The following PPP2CB variants were observed in gnomAD, a reference collection of about 807,000 sequenced individuals.
PPP2CB encodes protein phosphatase 2 catalytic subunit beta.
Under a neutral mutation model 39.1 loss-of-function variants are expected in PPP2CB, and 18 were observed. The ratio of observed to expected loss-of-function variants is 0.46; its 90% CI spans 0.32 to 0.68. PPP2CB has a LOEUF of 0.68. Ranked by LOEUF, PPP2CB falls within the 30% of genes least tolerant of loss-of-function variation. PPP2CB has a pLI of 0.04. For missense variants in PPP2CB, 226 were observed against 396.9 expected, an observed-to-expected ratio of 0.57 and a Z score of 3.66; for synonymous variants, 129 against 133.8, an observed-to-expected ratio of 0.96 and a Z score of 0.25.
intron 1 of PPP2CB, among the ~76,000 whole-genome samples, chr8:30,808,860 T>G (rs1275561512): frequency 6.6e-6 from 1 of 152,008 alleles, no homozygotes; most frequent in Non-Finnish European, 1.5e-5. Flanking sequence ...TGATTAAAAC[T>G]TTCAGCCTTC....
At chr8:30,794,389 A>G in intron 3 of PPP2CB, 108 bp from the exon 4 acceptor site, 1 of 940,310 alleles carries the variant, frequency 1.1e-6, no homozygotes, top group Non-Finnish European at 1.6e-6. Flanking sequence ...CCAACATTTA[A>G]ACATATTTTG....
chr8:30,801,009 C>A (rs1216065288), intron 1 of PPP2CB, among the ~76,000 whole-genome samples: 4 of 148,676 alleles, frequency 2.7e-5, no homozygotes, highest in African/African-American at 1.0e-4. Flanking sequence ...GAGTTTGAGA[C>A]CAGGCTGGGC....
rs1224921639 is a variant in PPP2CB at position 30,812,661 on chromosome 8, G to T, written c.-240C>A. 5.6e-6 allele frequency: 2 copies of T among 359,784 alleles called. No homozygotes were observed. Among genetic ancestry groups the T allele is most frequent in the Non-Finnish European group, 1.0e-5 (2 of 198,382 alleles). 22.3% of individuals were successfully genotyped at this position (359,784 alleles called of 1,614,324 possible). On this transcript the variant is annotated 5_prime_UTR_variant, in exon 1 of 7. Transcript: ENST00000221138. ...GACCCCCGCCCGCCCTTCCCCGCCC[G>T]GCCGCGCGCCGCGGGAGTCGGTGAA...
chr8:30,791,086 G>A, intron 6 of PPP2CB, 111 bp downstream of exon 6: 7 of 633,382 alleles, frequency 1.1e-5, no homozygotes, highest in Non-Finnish European at 1.8e-5. Context: ...TTTTGCTGGA[G>A]AGGGGCTTTG....
Position 30,799,884 on chromosome 8 carries a change from A to G in PPP2CB, c.103-129T>C, listed in dbSNP as rs144253143. ...GCGTATGTGAAAACCAAACCACGAG[A>G]TAACACTTTCATTAGAAAGGCTATA... On this transcript the variant is annotated intron_variant, in intron 1 of 6. Coordinates refer to ENST00000221138, the MANE Select transcript of PPP2CB (RefSeq NM_001009552.2). 2.9e-4 allele frequency: 198 copies of G among 682,858 alleles called. 1 individual carries two copies. The highest frequency in any genetic ancestry group is 3.9e-4 in the Non-Finnish European group (159 of 402,624). 42.3% of individuals were successfully genotyped at this position (682,858 alleles called of 1,614,324 possible).
At chr8:30,791,861 T>C (rs573772302) in intron 5 of PPP2CB, among the ~76,000 whole-genome samples, 2 of 149,906 alleles carry the variant, frequency 1.3e-5, no homozygotes, top group African/African-American at 2.4e-5. Context: ...TACGTGTATA[T>C]ATGTATATAT....
rs1242554301 is a variant in PPP2CB, at chr8:30,812,773, G to C, written c.-352C>G. On this transcript the variant is annotated 5_prime_UTR_variant, in exon 1 of 7. Coordinates refer to ENST00000221138, the MANE Select transcript of PPP2CB (RefSeq NM_001009552.2). Reference sequence around the variant, plus strand: ...GGCCGCCCGCTGCCGCTTCAGGCCCGCCTCACGCCTACCGGCCTCTCCCGA... The same window carrying C: ...GGCCGCCCGCTGCCGCTTCAGGCCCCCCTCACGCCTACCGGCCTCTCCCGA... 2.1e-6 allele frequency: 1 copy of C among 467,702 alleles called. No individual in the cohort carries two copies. Among genetic ancestry groups the C allele is most frequent in the Non-Finnish European group, 4.3e-6 (1 of 234,430 alleles). The allele number at this position is 467,702 out of a possible 1,614,324, so 29.0% of individuals were successfully genotyped here. A position where few individuals can be genotyped will look rare whatever the true frequency, so the allele number is the denominator to read the frequency against.
rs1443173602 is a variant in PPP2CB at position 30,794,027 on chromosome 8, C to T, written c.628G>A (p.Gly210Ser). The stretch of plus-strand genomic sequence containing the variant: ...TAGCCAGCACCACGTGGTGAAATAC[C>T]CCATCCACCACGATCATCTGGATCT... ...WSDPDDRGGW[G>S]ISPRGAGYTF... The change falls in exon 5 of 7, where the codon GGT (glycine) becomes AGT (serine). Residue 210 changes from glycine (G) to serine (S), a missense_variant. Gly to Ser is a moderately conservative substitution (Grantham distance 56). Around this residue, in one of 4 missense-constraint regions of PPP2CB, gnomAD observed 110 missense variants for 244.1 expected, o/e 0.45. Coordinates refer to ENST00000221138, the MANE Select transcript of PPP2CB (RefSeq NM_001009552.2). 1 of 1,612,716 alleles carries T rather than the reference C, an allele frequency of 6.2e-7. No individual in the cohort carries two copies. The highest frequency in any genetic ancestry group is 8.5e-7 in the Non-Finnish European group (1 of 1,179,360).
chr8:30,805,123 C>A (rs747164325), intron 1 of PPP2CB, among the ~76,000 whole-genome samples: 4 of 152,224 alleles, frequency 2.6e-5, no homozygotes, highest in Non-Finnish European at 5.9e-5. Context: ...TTCTTCTTCA[C>A]TGCCCACAGG....
At chr8:30,795,517 T>C (rs1238082525) in intron 3 of PPP2CB, among the ~76,000 whole-genome samples, 2 of 152,214 alleles carry the variant, frequency 1.3e-5, no homozygotes, top group Admixed American at 6.5e-5. Context: ...ATCATAAATA[T>C]AGGAATTTTT....
intron 1 of PPP2CB, among the ~76,000 whole-genome samples, chr8:30,801,054 T>C (rs1410786472): frequency 1.8e-5 from 2 of 109,952 alleles, no homozygotes; most frequent in African/African-American, 7.0e-5. Flanking sequence ...ATAAAAAATT[T>C]AAAAAATAGC....
intron 6 of PPP2CB, 170 bp from the exon 7 acceptor site, chr8:30,786,477 A>C: frequency 2.1e-6 from 1 of 482,414 alleles, no homozygotes; most frequent in South Asian, 3.7e-5. Flanking sequence ...TCCCATTCCA[A>C]CTAACTGCTT....
At chr8:30,786,506 A>AATTTTTTTTTTTTTTTTTTTTT (rs1806344170) in intron 6 of PPP2CB, 199 bp from the exon 7 acceptor site, 2 of 385,900 alleles carry the variant, frequency 5.2e-6, no homozygotes, top group Middle Eastern at 6.7e-4. Context: ...TATGGTGAAA[A>AATTTTTTTTTTTTTTTTTTTTT]TTTAAGAAGA....
In PPP2CB at chr8:30,791,865, T is replaced by C. The variant is rs1212907450; in HGVS notation, c.739-550A>G. On this transcript the variant is annotated intron_variant, in intron 5 of 6. Coordinates refer to ENST00000221138, the MANE Select transcript of PPP2CB (RefSeq NM_001009552.2). ...ATATGTATATATACGTGTATATATG[T>C]ATATATGTGTGTGCATATATGTATA... is the stretch of plus-strand genomic sequence containing the variant. Among the ~76,000 whole-genome samples, 8 of 131,426 alleles carry C rather than the reference T, an allele frequency of 6.1e-5. No homozygotes were observed. The East Asian group carries it at 6.6e-4, about 11-fold the overall frequency. 86.2% of individuals were successfully genotyped at this position (131,426 alleles called of 152,430 possible).
chr8:30,793,995 A>G lies in PPP2CB; in HGVS notation c.660T>C (p.Phe220=), dbSNP rs542047488. ...TAAAGGTTTCAGAAATGTCTTGTCC[A>G]AATGTGTAGCCAGCACCACGTGGTG... ...GISPRGAGYT[F]GQDISETFNH... Residue 220 remains phenylalanine (F), a synonymous_variant, in exon 5 of 7, where the codon TTT becomes TTC. Transcript: ENST00000221138. 16 of 1,613,842 alleles carry G rather than the reference A, an allele frequency of 9.9e-6. No homozygotes were observed. The highest frequency in any genetic ancestry group is 3.3e-5 in the South Asian group (3 of 90,996).
intron 6 of PPP2CB, among the ~76,000 whole-genome samples, chr8:30,789,888 C>T (rs193146737): frequency 4.6e-5 from 7 of 152,282 alleles, no homozygotes; most frequent in East Asian, 1.9e-4. Flanking sequence ...GAGGACCACG[C>T]TCTCTCTGAA....
At chr8:30,811,505 A>AT (rs569063598) in intron 1 of PPP2CB, among the ~76,000 whole-genome samples, 15,800 of 127,576 alleles carry the variant, frequency 0.12, 1,132 homozygotes, top group African/African-American at 0.18. Context: ...AGAATCAGCG[A>AT]TTTTTTTTTT....
chr8:30,805,541 C>CAG (rs922680359), intron 1 of PPP2CB, among the ~76,000 whole-genome samples: 12 of 151,804 alleles, frequency 7.9e-5, no homozygotes, highest in Non-Finnish European at 1.3e-4. Flanking sequence ...GCCTGGATGA[C>CAG]AGAGAGAGAG....
At chr8:30,798,484 C>T (rs1806561654) in intron 2 of PPP2CB, among the ~76,000 whole-genome samples, 1 of 152,204 alleles carries the variant, frequency 6.6e-6, no homozygotes, top group African/African-American at 2.4e-5. Flanking sequence ...CAGTCATGTG[C>T]TGGGCAGCAT....
Sources: allele counts gnomAD v4.1 joint callset (sites outside exome capture counted in the v4.1 genomes callset), GRCh38; gene constraint gnomAD v4.1.1; regional missense constraint gnomAD v4.1.1; transcripts MANE v1.5; gene names NCBI Gene and HGNC (gene_info 2026-07-23, HGNC 2026-07-21).